Variants in RAPGEF2 observed in about 807,000 individuals in gnomAD.
RAPGEF2 encodes the protein PDZ domain containing guanine nucleotide exchange factor (GEF) 1.
A neutral mutation model predicts 186.7 loss-of-function variants in RAPGEF2; 54 were observed. The observed-to-expected ratio is 0.29, with a 90% CI of 0.23 to 0.36. The LOEUF (loss-of-function observed/expected upper bound fraction) is 0.36. Ranked by LOEUF, RAPGEF2 falls within the 10% of genes least tolerant of loss-of-function variation. The pLI is 1.00. For missense variants in RAPGEF2, 1,532 were observed against 2,045.0 expected (o/e 0.75, Z 4.84); for synonymous variants, 712 against 705.9 (o/e 1.01, Z -0.14).
At chr4:159,193,155 T>G in intron 2 of RAPGEF2, 45 bp from the exon 3 acceptor site, 1 of 1,265,644 alleles carries the variant, frequency 7.9e-7, no homozygotes, top group Admixed American at 2.9e-5. Flanking sequence ...ACCAGTCTGT[T>G]TTTTAGTGAC....
intron 28 of RAPGEF2, among the ~76,000 whole-genome samples, chr4:159,354,308 T>C (rs1439314232): frequency 6.6e-6 from 1 of 152,176 alleles, no homozygotes; most frequent in Non-Finnish European, 1.5e-5. Context: ...TAGATTGTCA[T>C]TGTGAATATT....
chr4:159,353,894 G>A lies in RAPGEF2; in HGVS notation c.4499G>A (p.Gly1500Asp). ...GGTTACTGGGGAGAAGACTCAGAAG[G>A]TGACACAGGCACAATAAAGCGGAGG... ...STGYWGEDSE[G>D]DTGTIKRRGG... The change falls in exon 28 of 30, where the codon GGT becomes GAT. Residue 1500 changes from glycine (G) to aspartate (D), a missense_variant. Transcript: ENST00000691494. This position sits in a 1 kb window ranked among gnomAD's most constrained non-coding sequence, Gnocchi z 4.3. The A allele has an allele frequency of 6.2e-7, 1 of 1,614,210 alleles. No individual in the cohort carries two copies. Among genetic ancestry groups the A allele is most frequent in the Non-Finnish European group, 8.5e-7 (1 of 1,180,050 alleles).
chr4:159,232,105 T>C (rs543240752), intron 4 of RAPGEF2, among the ~76,000 whole-genome samples: 1 of 152,218 alleles, frequency 6.6e-6, no homozygotes, highest in Non-Finnish European at 1.5e-5. Context: ...AAGCTTTTTT[T>C]AATTGTAGTA....
intron 1 of RAPGEF2, among the ~76,000 whole-genome samples, chr4:159,121,996 A>G (rs547286253): frequency 7.6e-4 from 104 of 137,448 alleles, no homozygotes; most frequent in Non-Finnish European, 1.3e-3. Context: ...GTGAGATCGC[A>G]CCACTGCACT....
chr4:159,343,635 A>G (rs780677967), intron 22 of RAPGEF2, among the ~76,000 whole-genome samples: 1 of 152,186 alleles, frequency 6.6e-6, no homozygotes, highest in Non-Finnish European at 1.5e-5. Flanking sequence ...GACATTTTCA[A>G]TGTAATAGAC....
chr4:159,104,926 G>C (rs1737712937), intron 1 of RAPGEF2, among the ~76,000 whole-genome samples: 1 of 152,244 alleles, frequency 6.6e-6, no homozygotes. Flanking sequence ...TGCAGACATA[G>C]CTGCAGAGCA....
chr4:159,322,112 G>A (rs1335846761), intron 9 of RAPGEF2, among the ~76,000 whole-genome samples: 2 of 152,108 alleles, frequency 1.3e-5, no homozygotes, highest in African/African-American at 4.8e-5. Context: ...TAGAACTGGA[G>A]TTACAATAAA....
At position 159,355,878 on chromosome 4, in the gene RAPGEF2, G is replaced by GCGCCCCC; in HGVS notation, c.4678_4679insGCCCCCC (p.Pro1560ArgfsTer17). 2 of 1,515,860 alleles carry GCGCCCCC rather than the reference G, an allele frequency of 1.3e-6. No homozygotes were observed. Among genetic ancestry groups the GCGCCCCC allele is most frequent in the African/African-American group, 1.4e-5 (1 of 72,206 alleles). The allele number at this position is 1,515,860 out of a possible 1,614,324, so 93.9% of individuals were successfully genotyped here. ...CACGAAAGGAGGGCAGGTATCGAGA[G>GCGCCCCC]CCCCCGCCCACCCCTCCCGGCTACA... On this transcript the variant is annotated frameshift_variant, in exon 29 of 30. Transcript: ENST00000691494. LOFTEE classifies it high-confidence loss of function.
chr4:159,164,923 C>T (rs1304046907), intron 1 of RAPGEF2, among the ~76,000 whole-genome samples: 12 of 152,130 alleles, frequency 7.9e-5, no homozygotes, highest in African/African-American at 1.2e-4. Context: ...ATATTGCAAG[C>T]ACACAGGATG....
At chr4:159,222,367 T>G (rs1337384506) in intron 4 of RAPGEF2, among the ~76,000 whole-genome samples, 1 of 152,196 alleles carries the variant, frequency 6.6e-6, no homozygotes, top group East Asian at 1.9e-4. Context: ...GTTGATGGAG[T>G]TCCACAGGTC....
At chr4:159,267,039 T>C (rs1261862457) in intron 7 of RAPGEF2, 2 of 539,448 alleles carry the variant, frequency 3.7e-6, no homozygotes, top group Non-Finnish European at 5.6e-6. Flanking sequence ...GGGCGAGTCT[T>C]AAGGAATGTG....
chr4:159,345,146 G>A lies in RAPGEF2; in HGVS notation c.3319G>A (p.Val1107Ile), dbSNP rs1730102856. 6.2e-7 allele frequency: 1 copy of A among 1,614,022 alleles called. No homozygotes were observed. The highest frequency in any genetic ancestry group is 8.5e-7 in the Non-Finnish European group (1 of 1,180,002). Residue 1107 changes from valine to isoleucine, a missense_variant, in exon 24 of 30, where the codon GTT (valine) becomes ATT (isoleucine). By Grantham distance (29) the Val-to-Ile change is conservative. Coordinates refer to ENST00000691494, the MANE Select transcript of RAPGEF2 (RefSeq NM_001394067.2). ...QGSTNATVLD[V>I]AQTGGHKKRV... ...TAGTACAAATGCAACAGTGCTAGAT[G>A]TTGCTCAGACAGGTGGTCATAAAAA...
intron 18 of RAPGEF2, among the ~76,000 whole-genome samples, chr4:159,338,875 G>A (rs1012803658): frequency 3.3e-5 from 5 of 152,154 alleles, no homozygotes; most frequent in African/African-American, 1.2e-4. Context: ...GAGTGCTACT[G>A]TTGTGTACTG....
At chr4:159,326,397 C>T (rs917256433) in intron 11 of RAPGEF2, among the ~76,000 whole-genome samples, 1 of 152,144 alleles carries the variant, frequency 6.6e-6, no homozygotes, top group Admixed American at 6.5e-5. Flanking sequence ...AAAAATGATG[C>T]TATCTTTACC....
chr4:159,148,771 A>G (rs1743211071), intron 1 of RAPGEF2, among the ~76,000 whole-genome samples: 1 of 152,234 alleles, frequency 6.6e-6, no homozygotes, highest in Admixed American at 6.5e-5. Context: ...ATTCTGGTGC[A>G]ACTGTCAAGA....
intron 7 of RAPGEF2, among the ~76,000 whole-genome samples, chr4:159,263,794 A>G (rs186189447): frequency 3.3e-5 from 5 of 152,278 alleles, no homozygotes; most frequent in South Asian, 4.1e-4. Flanking sequence ...TCAATTTCAT[A>G]GTAATTAGAA....
At chr4:159,318,616 A>G (rs907922871) in intron 9 of RAPGEF2, among the ~76,000 whole-genome samples, 1 of 152,196 alleles carries the variant, frequency 6.6e-6, no homozygotes, top group Non-Finnish European at 1.5e-5. Context: ...GGACTTTATC[A>G]TATTAATTTT....
chr4:159,331,022 C>T (rs1385581877), intron 13 of RAPGEF2, among the ~76,000 whole-genome samples: 1 of 152,150 alleles, frequency 6.6e-6, no homozygotes, highest in African/African-American at 2.4e-5. Context: ...ATATTCTGCA[C>T]CCTTACAGAG....
chr4:159,342,314 A>G (rs1729582644), intron 20 of RAPGEF2, among the ~76,000 whole-genome samples: 1 of 152,040 alleles, frequency 6.6e-6, no homozygotes, highest in African/African-American at 2.4e-5. Flanking sequence ...AGTTATCAAC[A>G]AGATTAATGA....
Sources: allele counts gnomAD v4.1 joint callset (sites outside exome capture counted in the v4.1 genomes callset), GRCh38; gene constraint gnomAD v4.1.1; non-coding constraint Gnocchi (gnomAD v3.1); transcripts MANE v1.5; gene names NCBI Gene and HGNC (gene_info 2026-07-23, HGNC 2026-07-21).